Variants in ELSPBP1 observed in about 807,000 individuals in gnomAD.
The protein encoded by ELSPBP1 is epididymal sperm-binding protein 1.
In ELSPBP1, 38 loss-of-function variants were observed where a neutral mutation model predicts 33.3. The ratio of observed to expected loss-of-function variants is 1.14; its 90% CI spans 0.88 to 1.50. The LOEUF is 1.50. Among genes scored for constraint, ELSPBP1 ranks in the 40% most tolerant of loss-of-function variants. ELSPBP1 has a pLI of 0.00. For synonymous variants in ELSPBP1, 85 were observed against 94.1 expected (o/e 0.90, Z 0.56); for missense variants, 267 against 263.5 (o/e 1.01, Z -0.09).
chr19:48,008,993 A>C (rs1967050611), intron 2 of ELSPBP1, among the ~76,000 whole-genome samples: 1 of 151,892 alleles, frequency 6.6e-6, no homozygotes, highest in Admixed American at 6.6e-5. Context: ...AAAATTAGCC[A>C]GGCATGGTGG....
At chr19:48,014,085 A>G in intron 2 of ELSPBP1, 86 bp from the exon 3 acceptor site, 3 of 1,496,984 alleles carry the variant, frequency 2.0e-6, no homozygotes, top group African/African-American at 1.4e-5. Flanking sequence ...GGACATTCAT[A>G]TTAAAGCAAG....
At chr19:48,021,870 C>T (rs1217215308) in intron 5 of ELSPBP1, among the ~76,000 whole-genome samples, 1 of 152,108 alleles carries the variant, frequency 6.6e-6, no homozygotes, top group East Asian at 1.9e-4. Flanking sequence ...CCTCAACCTC[C>T]CGAGTAGCTG....
chr19:48,022,055 G>T, intron 5 of ELSPBP1, 115 bp from the exon 6 acceptor site: 1 of 926,288 alleles, frequency 1.1e-6, no homozygotes, highest in Non-Finnish European at 1.6e-6. Context: ...GATTAAAGGC[G>T]CGAACCACCA....
In ELSPBP1 at chr19:48,011,185, A is replaced by G. The variant is rs560728596; in HGVS notation, c.70+2448A>G. ...TGATGTGATGAGGAGGAAAATAATG[A>G]TTACAATAATGATGACAATGATGAT... On this transcript the variant is annotated intron_variant, in intron 2 of 6. Transcript: ENST00000339841. The surrounding 1 kb of genome is among the most constrained non-coding windows in gnomAD (Gnocchi z 4.5). Among the ~76,000 whole-genome samples, 4 of 90,884 alleles carry G rather than the reference A, an allele frequency of 4.4e-5. No homozygotes were observed. In the East Asian group the frequency reaches 2.7e-3, roughly 61 times the overall value. The allele number at this position is 90,884 out of a possible 152,430, so 59.6% of individuals were successfully genotyped here.
At chr19:47,998,519 G>A (rs1432189409) in intron 1 of ELSPBP1, among the ~76,000 whole-genome samples, 1 of 152,170 alleles carries the variant, frequency 6.6e-6, no homozygotes, top group Non-Finnish European at 1.5e-5. Flanking sequence ...GGGCGCGGTG[G>A]CTCACGCCTG....
intron 1 of ELSPBP1, among the ~76,000 whole-genome samples, chr19:47,996,318 C>T (rs7254297): frequency 2.0e-5 from 3 of 151,862 alleles, no homozygotes; most frequent in African/African-American, 7.3e-5. Context: ...TGTATGGTTC[C>T]TCTTGGTACT....
At chr19:48,017,720 C>T (rs185770082) in intron 4 of ELSPBP1, among the ~76,000 whole-genome samples, 74 of 151,810 alleles carry the variant, frequency 4.9e-4, no homozygotes, top group Admixed American at 1.2e-3. Flanking sequence ...TAGGAAGACC[C>T]GCTCTGTAAA....
intron 6 of ELSPBP1, among the ~76,000 whole-genome samples, chr19:48,024,707 A>G (rs1182652591): frequency 3.9e-5 from 6 of 152,148 alleles, no homozygotes; most frequent in Non-Finnish European, 7.4e-5. Context: ...ATCACAGCAG[A>G]ACTGGCACTT....
chr19:47,998,603 A>G (rs1402061803), intron 1 of ELSPBP1, among the ~76,000 whole-genome samples: 1 of 151,296 alleles, frequency 6.6e-6, no homozygotes, highest in Non-Finnish European at 1.5e-5. Flanking sequence ...TGGCTAACAC[A>G]GTGAAACCCC....
At position 48,019,869 on chromosome 19, in the gene ELSPBP1, C is replaced by T; in HGVS notation, c.506C>T (p.Ala169Val). The T allele has an allele frequency of 6.2e-7, 1 of 1,612,884 alleles. No individual in the cohort carries two copies. Among genetic ancestry groups the T allele is most frequent in the South Asian group, 1.1e-5 (1 of 90,880 alleles). Residue 169 changes from alanine to valine, a missense_variant, in exon 5 of 7, where the codon GCC becomes GTC. Transcript: ENST00000339841. Reference protein sequence around the residue: ...MDKDGKWSFCADTRISALVPG... With the variant: ...MDKDGKWSFCVDTRISALVPG... ...AAGGATGGAAAGTGGAGTTTCTGTG[C>T]CGACACCAGTAATCTGGGGATGGGG...
intron 1 of ELSPBP1, among the ~76,000 whole-genome samples, chr19:48,000,181 C>T (rs1001079843): frequency 5.3e-5 from 8 of 151,772 alleles, no homozygotes; most frequent in Non-Finnish European, 1.2e-4. Context: ...ACTCTGCTTA[C>T]ATTGTATCAT....
intron 3 of ELSPBP1, 40 bp downstream of exon 3, chr19:48,014,348 T>C: frequency 6.3e-7 from 1 of 1,599,974 alleles, no homozygotes. Flanking sequence ...GGCCTTTGAA[T>C]AGGGTGGATC....
chr19:48,018,579 CTCA>C, intron 4 of ELSPBP1, among the ~76,000 whole-genome samples: 1 of 152,280 alleles, frequency 6.6e-6, no homozygotes, highest in African/African-American at 2.4e-5. Context: ...CATGAAATAA[CTCA>C]TCTATTCCAT....
chr19:48,008,614 A>G, intron 1 of ELSPBP1, 37 bp from the exon 2 acceptor site: 1 of 1,439,728 alleles, frequency 6.9e-7, no homozygotes, highest in Non-Finnish European at 9.8e-7. Flanking sequence ...GAGGAAGGGG[A>G]CGTGTGGGAT....
intron 6 of ELSPBP1, among the ~76,000 whole-genome samples, chr19:48,023,342 G>GA (rs1967224509): frequency 7.8e-6 from 1 of 128,698 alleles, no homozygotes; most frequent in East Asian, 2.7e-4. Context: ...GGAAGGGAGG[G>GA]AGGAAGGAAA....
chr19:48,022,765 A>G (rs1197562349), intron 6 of ELSPBP1, among the ~76,000 whole-genome samples: 1 of 152,044 alleles, frequency 6.6e-6, no homozygotes, highest in Non-Finnish European at 1.5e-5. Context: ...AAAAGGGGAT[A>G]ACTGACCAGC....
intron 1 of ELSPBP1, among the ~76,000 whole-genome samples, chr19:48,000,192 T>C (rs1163730536): frequency 6.6e-6 from 1 of 151,476 alleles, no homozygotes; most frequent in Non-Finnish European, 1.5e-5. Context: ...ATTGTATCAT[T>C]TCATTCTTCC....
chr19:47,998,284 C>T (rs1310153117), intron 1 of ELSPBP1, among the ~76,000 whole-genome samples: 2 of 151,866 alleles, frequency 1.3e-5, no homozygotes, highest in African/African-American at 2.4e-5. Flanking sequence ...CAGTGGCAGG[C>T]GCCTGTAATA....
chr19:48,004,005 A>G (rs942166658), intron 1 of ELSPBP1, among the ~76,000 whole-genome samples: 1 of 149,340 alleles, frequency 6.7e-6, no homozygotes, highest in African/African-American at 2.5e-5. Context: ...GTGCAGTGGT[A>G]TGATCTCGGC....
Sources: gnomAD v4.1 joint callset for allele counts (sites outside exome capture counted in the v4.1 genomes callset) on GRCh38, gnomAD v4.1.1 for gene constraint, Gnocchi (gnomAD v3.1) non-coding constraint, MANE v1.5 for transcripts, NCBI Gene and HGNC (gene_info 2026-07-23, HGNC 2026-07-21) for gene names.